CSMD1: variants seen among roughly 807,000 people sequenced by gnomAD.
CSMD1 encodes CUB and sushi domain-containing protein 1.
Under a neutral mutation model 417.5 loss-of-function variants are expected in CSMD1, and 213 were observed. That is an observed-to-expected ratio of 0.51 (90% CI 0.46 to 0.57). The LOEUF (loss-of-function observed/expected upper bound fraction) is 0.57. Among genes scored for constraint, CSMD1 ranks in the 20% least tolerant of loss-of-function variants. The pLI is 0.00. For synonymous variants in CSMD1, 2,862 were observed against 1,736.8 expected, an observed-to-expected ratio of 1.65 and a Z score of -16.11; for missense variants, 6,923 against 4,529.7, an observed-to-expected ratio of 1.53 and a Z score of -15.17.
At chr8:4,238,340 C>T (rs1384820889) in intron 3 of CSMD1, among the ~76,000 whole-genome samples, 1 of 152,188 alleles carries the variant, frequency 6.6e-6, no homozygotes, top group Non-Finnish European at 1.5e-5. Flanking sequence ...CGAGGGTGGT[C>T]CTCCAGCTCC....
chr8:4,732,562 G>A (rs993568505), intron 1 of CSMD1, among the ~76,000 whole-genome samples: 1 of 152,016 alleles, frequency 6.6e-6, no homozygotes, highest in Non-Finnish European at 1.5e-5. Context: ...TGTACTAATG[G>A]AAAGCAACCT....
At chr8:4,005,983 C>G (rs1054011265) in intron 4 of CSMD1, among the ~76,000 whole-genome samples, 4 of 152,036 alleles carry the variant, frequency 2.6e-5, no homozygotes, top group Admixed American at 6.6e-5. Flanking sequence ...TAATTCTCTA[C>G]TAGAATGAGC....
At chr8:4,658,256 C>T (rs969829482) in intron 1 of CSMD1, among the ~76,000 whole-genome samples, 2 of 152,004 alleles carry the variant, frequency 1.3e-5, no homozygotes, top group African/African-American at 2.4e-5. Context: ...AACTCAGATA[C>T]GTGTAGGAAG....
chr8:4,059,854 T>TCC (rs1798880458), intron 3 of CSMD1, among the ~76,000 whole-genome samples: 2 of 149,538 alleles, frequency 1.3e-5, no homozygotes, highest in Admixed American at 6.7e-5. Context: ...AGCCGAATAT[T>TCC]ACCAGAGGTA....
At chr8:3,101,829 T>A (rs528185464) in intron 46 of CSMD1, among the ~76,000 whole-genome samples, 18 of 146,096 alleles carry the variant, frequency 1.2e-4, no homozygotes, top group Admixed American at 1.2e-3. Flanking sequence ...TTAGACAGAG[T>A]CTTGCTCTGT....
chr8:3,500,804 A>T (rs1404159797), intron 10 of CSMD1, among the ~76,000 whole-genome samples: 3 of 152,182 alleles, frequency 2.0e-5, no homozygotes, highest in Non-Finnish European at 4.4e-5. Flanking sequence ...AAGAAGCGCT[A>T]AAGTGGATTG....
At chr8:4,686,730 A>G (rs1247560938) in intron 1 of CSMD1, among the ~76,000 whole-genome samples, 3 of 152,170 alleles carry the variant, frequency 2.0e-5, no homozygotes. Context: ...CTATTTTGTC[A>G]TGGGGGCCTC....
rs180783199 is a variant in CSMD1 at position 4,348,999 on chromosome 8, T to C, written c.415+70954A>G. Among the ~76,000 whole-genome samples the C allele has an allele frequency of 3.0e-4, 45 of 152,274 alleles. No homozygotes were observed. In the East Asian group the frequency reaches 3.5e-3, roughly 12 times the overall value. ...TGCAAAAACAGGACAAACTGAAAAATTGAAAATCCAACTGTCCACACAAGC... is the reference window on the plus strand; with the variant it reads ...TGCAAAAACAGGACAAACTGAAAAACTGAAAATCCAACTGTCCACACAAGC... On this transcript the variant is annotated intron_variant, in intron 3 of 69. Transcript: ENST00000635120.
At chr8:4,981,087 G>T (rs1168464794) in intron 1 of CSMD1, among the ~76,000 whole-genome samples, 1 of 152,198 alleles carries the variant, frequency 6.6e-6, no homozygotes, top group Non-Finnish European at 1.5e-5. Context: ...CATCTTTGCA[G>T]ATATTTCCCA....
intron 33 of CSMD1, 52 bp downstream of exon 33, chr8:3,199,662 A>G (rs1490769719): frequency 1.6e-6 from 2 of 1,233,390 alleles, no homozygotes; most frequent in East Asian, 2.6e-5. Flanking sequence ...CCGTGGGTGC[A>G]GCATCAGGAA....
rs142912116 is a variant in CSMD1 at position 4,145,771 on chromosome 8, C to T, written c.416-113672G>A. On this transcript the variant is annotated intron_variant, in intron 3 of 69. Transcript: ENST00000635120. ...CAACACTGATTCCCTGCAGGTTCTG[C>T]GTCAGCTCGCACCATGAAGAGTTTT... 8.4e-4 allele frequency among the ~76,000 whole-genome samples: 127 copies of T among 151,142 alleles called. 4 individuals are homozygous for T. Among genetic ancestry groups the T allele is most frequent in the African/African-American group, 2.9e-3 (117 of 40,506 alleles).
At chr8:4,027,030 G>C (rs368943607) in intron 4 of CSMD1, among the ~76,000 whole-genome samples, 11 of 152,180 alleles carry the variant, frequency 7.2e-5, no homozygotes, top group Non-Finnish European at 1.3e-4. Flanking sequence ...ATGATGTCAA[G>C]GAACACAGAA....
At chr8:3,401,623 T>C (rs907740193) in intron 15 of CSMD1, among the ~76,000 whole-genome samples, 1 of 152,124 alleles carries the variant, frequency 6.6e-6, no homozygotes, top group African/African-American at 2.4e-5. Context: ...GTAGCTACAG[T>C]TGGAAGTGAA....
At chr8:4,866,541 T>G (rs1340729990) in intron 1 of CSMD1, among the ~76,000 whole-genome samples, 1 of 151,954 alleles carries the variant, frequency 6.6e-6, no homozygotes, top group Non-Finnish European at 1.5e-5. Flanking sequence ...ATTGGCTTTT[T>G]TAACAACTAA....
chr8:2,957,237 ACT>A (rs559414443), intron 63 of CSMD1, among the ~76,000 whole-genome samples: 28 of 152,244 alleles, frequency 1.8e-4, no homozygotes, highest in South Asian at 4.2e-4. Flanking sequence ...TTCTACTTAG[ACT>A]CTGACATATG....
chr8:4,106,567 T>A (rs540451373), intron 3 of CSMD1, among the ~76,000 whole-genome samples: 1 of 152,276 alleles, frequency 6.6e-6, no homozygotes, highest in South Asian at 2.1e-4. Context: ...AAACTAAAAA[T>A]GTGAGTTAAT....
rs1025859257 is a variant in CSMD1, at chr8:4,194,115, A to C, written c.416-162016T>G. On this transcript the variant is annotated intron_variant, in intron 3 of 69. Transcript: ENST00000635120. The stretch of plus-strand genomic sequence containing the variant: ...TAAATGTTATGGTAGGCATACGTTC[A>C]ACAAAGAATGCAGAATGATAAAAAT... Among the ~76,000 whole-genome samples, 6 of 152,184 alleles carry C rather than the reference A, an allele frequency of 3.9e-5. 1 individual carries two copies. The highest frequency in any genetic ancestry group is 3.9e-4 in the Admixed American group (6 of 15,280).
In CSMD1 at chr8:3,821,796, G is replaced by GCAAA. The variant is rs536994167; in HGVS notation, c.819-67758_819-67755dup. Among the ~76,000 whole-genome samples the GCAAA allele has an allele frequency of 7.5e-3, 1,135 of 151,944 alleles. 9 individuals are homozygous for GCAAA. The highest frequency in any genetic ancestry group is 0.012 in the Non-Finnish European group (830 of 67,930). On this transcript the variant is annotated intron_variant, in intron 5 of 69. Coordinates refer to ENST00000635120, the MANE Select transcript of CSMD1 (RefSeq NM_033225.6). Reference sequence around the variant, plus strand: ...GACTCTGTCTCAAAAAAACAAACAAGCAAACAAACAAACAAACAAAAAGTT... The same window carrying GCAAA: ...GACTCTGTCTCAAAAAAACAAACAAGCAAACAAACAAACAAACAAACAAAAAGTT...
chr8:4,117,602 G>A (rs1018108138), intron 3 of CSMD1, among the ~76,000 whole-genome samples: 1 of 152,156 alleles, frequency 6.6e-6, no homozygotes, highest in Non-Finnish European at 1.5e-5. Context: ...TTTTTACAAA[G>A]GACTTCCAGT....
Sources: gnomAD v4.1 joint callset for allele counts (sites outside exome capture counted in the v4.1 genomes callset) on GRCh38, gnomAD v4.1.1 for gene constraint, MANE v1.5 for transcripts, NCBI Gene and HGNC (gene_info 2026-07-23, HGNC 2026-07-21) for gene names.